SAMMSON: variants seen among roughly 807,000 people sequenced by gnomAD.
SAMMSON encodes survival associated mitochondrial melanoma specific oncogenic non-coding RNA.
At chr3:70,307,786 C>T (rs1702416275) in intron 7 of SAMMSON, among the ~76,000 whole-genome samples, 1 of 152,172 alleles carries the variant, frequency 6.6e-6, no homozygotes, top group Non-Finnish European at 1.5e-5. Flanking sequence ...CCAGTGACAA[C>T]ACAGAACCAA....
Position 70,148,600 on chromosome 3 carries a change from G to A in SAMMSON, n.507+77035G>A, listed in dbSNP as rs74796664. ...AGGCTGCTTCCACTCATGGCAGAAG[G>A]TGAAGGGGAGCTGGTGTGTGCACAG... On this transcript the variant is annotated intron_variant and non_coding_transcript_variant, in intron 4 of 9. Transcript: ENST00000642114. Among the ~76,000 whole-genome samples, 7 of 152,232 alleles carry A rather than the reference G, an allele frequency of 4.6e-5. 1 individual carries two copies. Among genetic ancestry groups the A allele is most frequent in the African/African-American group, 1.7e-4 (7 of 41,556 alleles).
At chr3:70,115,037 G>A (rs1209053942) in intron 4 of SAMMSON, among the ~76,000 whole-genome samples, 1 of 151,906 alleles carries the variant, frequency 6.6e-6, no homozygotes, top group African/African-American at 2.4e-5. Context: ...CTTGACTTAC[G>A]TAAACTTTGA....
At chr3:70,383,717 A>G (rs959527504) in intron 9 of SAMMSON, among the ~76,000 whole-genome samples, 7 of 152,040 alleles carry the variant, frequency 4.6e-5, no homozygotes, top group Middle Eastern at 3.2e-3. Flanking sequence ...TGGAGGTTGA[A>G]GCAGTATCTA....
intron 2 of SAMMSON, among the ~76,000 whole-genome samples, chr3:70,423,454 A>G (rs980240508): frequency 4.6e-5 from 7 of 152,148 alleles, no homozygotes; most frequent in Non-Finnish European, 1.0e-4. Flanking sequence ...GCACTTAGGC[A>G]TGGAGATCAC....
At chr3:70,260,129 C>T (rs1394984374) in intron 6 of SAMMSON, among the ~76,000 whole-genome samples, 1 of 152,182 alleles carries the variant, frequency 6.6e-6, no homozygotes, top group African/African-American at 2.4e-5. Context: ...AGGCTAGAAT[C>T]TGAAATCAAG....
At chr3:70,062,703 C>T (rs2067195062) in intron 3 of SAMMSON, among the ~76,000 whole-genome samples, 1 of 152,136 alleles carries the variant, frequency 6.6e-6, no homozygotes, top group African/African-American at 2.4e-5. Context: ...CACATCACTC[C>T]TTTCCAAAGG....
chr3:70,313,958 T>C (rs1484933438), intron 7 of SAMMSON, among the ~76,000 whole-genome samples: 1 of 152,114 alleles, frequency 6.6e-6, no homozygotes, highest in Non-Finnish European at 1.5e-5. Context: ...TCCAACCTAA[T>C]TGCATTGTGG....
At chr3:70,190,423 C>T (rs1324122372) in intron 4 of SAMMSON, among the ~76,000 whole-genome samples, 1 of 152,226 alleles carries the variant, frequency 6.6e-6, no homozygotes, top group Non-Finnish European at 1.5e-5. Context: ...GATTTTTCAT[C>T]TGCTCCTTAA....
chr3:70,178,407 G>T (rs1701024801), intron 4 of SAMMSON, among the ~76,000 whole-genome samples: 1 of 152,188 alleles, frequency 6.6e-6, no homozygotes, highest in African/African-American at 2.4e-5. Context: ...CTGGCTGCTT[G>T]TCTCGGACCG....
rs1036925635 is a variant in SAMMSON at position 70,025,664 on chromosome 3, A to G, written n.417+11992A>G. Among the ~76,000 whole-genome samples, 6 of 152,210 alleles carry G rather than the reference A, an allele frequency of 3.9e-5. 1 individual carries two copies. The highest frequency in any genetic ancestry group is 7.2e-5 in the African/African-American group (3 of 41,456). Reference sequence around the variant, plus strand: ...AACAACATGGGAGTTTGGGGCACCAATCCCACGCGGTTCACAATCTGAGTA... The same window carrying G: ...AACAACATGGGAGTTTGGGGCACCAGTCCCACGCGGTTCACAATCTGAGTA... On this transcript the variant is annotated intron_variant and non_coding_transcript_variant, in intron 3 of 9. Coordinates refer to ENST00000642114, the Ensembl canonical transcript of SAMMSON.
chr3:70,274,571 C>A (rs780438516), intron 6 of SAMMSON, among the ~76,000 whole-genome samples: 1 of 152,048 alleles, frequency 6.6e-6, no homozygotes. Context: ...TAAGTGGGAG[C>A]TGAACAATGA....
At chr3:70,107,481 A>G (rs1300376813) in intron 4 of SAMMSON, among the ~76,000 whole-genome samples, 2 of 152,190 alleles carry the variant, frequency 1.3e-5, no homozygotes, top group East Asian at 3.9e-4. Context: ...AGTTGGGATT[A>G]TAACAGGAAT....
chr3:70,328,031 G>T (rs1702590916), intron 7 of SAMMSON, among the ~76,000 whole-genome samples: 1 of 152,172 alleles, frequency 6.6e-6, no homozygotes, highest in Non-Finnish European at 1.5e-5. Flanking sequence ...TGTGGTGGAA[G>T]GTGAAAGGCA....
intron 3 of SAMMSON, among the ~76,000 whole-genome samples, chr3:70,023,183 A>C (rs2067022599): frequency 6.6e-6 from 1 of 152,080 alleles, no homozygotes; most frequent in African/African-American, 2.4e-5. Context: ...TAGGCCAGGC[A>C]CGGTGGCTCA....
At chr3:70,328,076 T>C (rs549645540) in intron 7 of SAMMSON, among the ~76,000 whole-genome samples, 1 of 152,160 alleles carries the variant, frequency 6.6e-6, no homozygotes, top group Admixed American at 6.5e-5. Context: ...GAAGAGAGCT[T>C]GTGCAGGGAA....
chr3:70,252,015 T>C (rs1486813397), intron 6 of SAMMSON, among the ~76,000 whole-genome samples: 9 of 152,222 alleles, frequency 5.9e-5, no homozygotes, highest in Non-Finnish European at 1.0e-4. Flanking sequence ...GCAAAACAAG[T>C]GCCTTCAATT....
chr3:70,054,671 G>T (rs536010457), intron 3 of SAMMSON, among the ~76,000 whole-genome samples: 1 of 152,064 alleles, frequency 6.6e-6, no homozygotes, highest in Admixed American at 6.6e-5. Flanking sequence ...CTTAGATTCA[G>T]CATTGCAAAC....
intron 3 of SAMMSON, among the ~76,000 whole-genome samples, chr3:70,016,850 T>C (rs1481395311): frequency 6.6e-6 from 1 of 152,190 alleles, no homozygotes; most frequent in Admixed American, 6.5e-5. Context: ...GGGAATCCTT[T>C]CCCCATTTCT....
chr3:70,321,714 C>A (rs1328435952), intron 7 of SAMMSON, among the ~76,000 whole-genome samples: 1 of 151,872 alleles, frequency 6.6e-6, no homozygotes, highest in Non-Finnish European at 1.5e-5. Flanking sequence ...ATCAACTTTA[C>A]CTTTAAAAAA....
Sources: gnomAD v4.1 joint callset for allele counts (sites outside exome capture counted in the v4.1 genomes callset) on GRCh38, gnomAD v4.1.1 for gene constraint, MANE v1.5 for transcripts, NCBI Gene and HGNC (gene_info 2026-07-23, HGNC 2026-07-21) for gene names.